FBXO32: variants seen among roughly 807,000 people sequenced by gnomAD.
FBXO32 encodes F-box protein 32, also known as F-box only protein 32.
FBXO32 carries 15 observed loss-of-function variants against 48.3 expected under a neutral mutation model. The ratio of observed to expected loss-of-function variants is 0.31; its 90% CI spans 0.21 to 0.48. The LOEUF (loss-of-function observed/expected upper bound fraction) is 0.48, where lower values mean the gene tolerates loss of function less well. Ranked by LOEUF, FBXO32 falls within the 20% of genes least tolerant of loss-of-function variation. FBXO32 has a pLI of 0.99. For missense variants in FBXO32, 309 were observed against 432.7 expected (o/e 0.71, Z 2.54); for synonymous variants, 154 against 165.9 (o/e 0.93, Z 0.55).
rs149027591 is a variant in FBXO32 at position 123,523,316 on chromosome 8, G to A, written c.372+8582C>T. Among the ~76,000 whole-genome samples, 911 of 152,284 alleles carry A rather than the reference G, an allele frequency of 6.0e-3. 6 individuals are homozygous for A. The highest frequency in any genetic ancestry group is 0.031 in the Middle Eastern group (9 of 294). Reference sequence around the variant, plus strand: ...AATTTTAATAGAAAACATTGACCAGGTGCGGTGGCTCATGCCTGTAATCTC... The same window carrying A: ...AATTTTAATAGAAAACATTGACCAGATGCGGTGGCTCATGCCTGTAATCTC... On this transcript the variant is annotated intron_variant, in intron 4 of 8. Coordinates refer to ENST00000517956, the MANE Select transcript of FBXO32 (RefSeq NM_058229.4).
chr8:123,502,607 T>C lies in FBXO32; in HGVS notation c.*766A>G, dbSNP rs970340161. On this transcript the variant is annotated 3_prime_UTR_variant, in exon 9 of 9. Transcript: ENST00000517956. ...AACATGACAGGAAAAAAGGAACATG[T>C]GCTTTTGGGTTGTTCTGGTGAACAG... 2 of 152,242 alleles carry C rather than the reference T, an allele frequency of 1.3e-5. No homozygotes were observed. Among genetic ancestry groups the C allele is most frequent in the African/African-American group, 4.8e-5 (2 of 41,462 alleles). 9.4% of individuals were successfully genotyped at this position (152,242 alleles called of 1,614,324 possible). A position where few individuals can be genotyped will look rare whatever the true frequency, so the allele number is the denominator to read the frequency against.
At chr8:123,521,449 C>T (rs1239537379) in intron 4 of FBXO32, among the ~76,000 whole-genome samples, 1 of 152,194 alleles carries the variant, frequency 6.6e-6, no homozygotes, top group Non-Finnish European at 1.5e-5. Context: ...CAGACTGATG[C>T]CCCAGGAGTG....
At chr8:123,532,965 C>T (rs1587002934) in intron 3 of FBXO32, among the ~76,000 whole-genome samples, 1 of 152,338 alleles carries the variant, frequency 6.6e-6, no homozygotes, top group Non-Finnish European at 1.5e-5. Context: ...CTTTTACATA[C>T]ATAATCTCAT....
intron 4 of FBXO32, among the ~76,000 whole-genome samples, chr8:123,528,651 T>C (rs1011896608): frequency 2.6e-5 from 4 of 152,160 alleles, no homozygotes; most frequent in African/African-American, 9.7e-5. Context: ...TAGTAAAAAA[T>C]TTTCTGACTC....
At chr8:123,512,735 G>A (rs910627112) in intron 6 of FBXO32, among the ~76,000 whole-genome samples, 1 of 152,026 alleles carries the variant, frequency 6.6e-6, no homozygotes, top group Non-Finnish European at 1.5e-5. Context: ...TTAATCAAAG[G>A]CTTCCTTTGT....
rs1380015684 is a variant in FBXO32 at position 123,498,190 on chromosome 8, T to TG, written c.*5182dup. 16 of 152,342 alleles carry TG rather than the reference T, an allele frequency of 1.1e-4. No individual in the cohort carries two copies. The highest frequency in any genetic ancestry group is 3.8e-4 in the African/African-American group (16 of 41,574). The allele number at this position is 152,342 out of a possible 1,614,324, so 9.4% of individuals were successfully genotyped here. Reference sequence around the variant, plus strand: ...ATACGCCCACTTTAGCCATGGTGATTGGCACTTGGTAGAATAAAGATGGCA... The same window carrying TG: ...ATACGCCCACTTTAGCCATGGTGATTGGGCACTTGGTAGAATAAAGATGGCA... On this transcript the variant is annotated 3_prime_UTR_variant, in exon 9 of 9. Coordinates refer to ENST00000517956, the MANE Select transcript of FBXO32 (RefSeq NM_058229.4).
chr8:123,531,887 T>A lies in FBXO32; in HGVS notation c.372+11A>T. 1 of 1,613,950 alleles carries A rather than the reference T, an allele frequency of 6.2e-7. No homozygotes were observed. The highest frequency in any genetic ancestry group is 8.5e-7 in the Non-Finnish European group (1 of 1,179,944). On this transcript the variant is annotated intron_variant, in intron 4 of 8. Coordinates refer to ENST00000517956, the MANE Select transcript of FBXO32 (RefSeq NM_058229.4). Reference sequence around the variant, plus strand: ...AGAGCCTGGATGAGCCTTTAGGCACTTGAGACTTACCCGGACCACGTAGTT... The same window carrying A: ...AGAGCCTGGATGAGCCTTTAGGCACATGAGACTTACCCGGACCACGTAGTT...
At chr8:123,503,665 G>A (rs1017878682) in intron 8 of FBXO32, among the ~76,000 whole-genome samples, 1 of 152,170 alleles carries the variant, frequency 6.6e-6, no homozygotes, top group East Asian at 1.9e-4. Context: ...TACCAGAGCC[G>A]GGAAAGGGAA....
rs1056226499 is a variant in FBXO32 at position 123,502,737 on chromosome 8, C to CACTT, written c.*632_*635dup. The CACTT allele has an allele frequency of 1.3e-5, 2 of 152,196 alleles. No homozygotes were observed. The highest frequency in any genetic ancestry group is 4.8e-5 in the African/African-American group (2 of 41,442). 9.4% of individuals were successfully genotyped at this position (152,196 alleles called of 1,614,324 possible). ...AAATCACTTTTTATAGTGATGAAAACACTTACGAGAAAAACAGACACTGCC... is the reference window on the plus strand; with the variant it reads ...AAATCACTTTTTATAGTGATGAAAACACTTACTTACGAGAAAAACAGACACTGCC... On this transcript the variant is annotated 3_prime_UTR_variant, in exon 9 of 9. Transcript: ENST00000517956.
Position 123,502,897 on chromosome 8 carries a change from CAA to C in FBXO32, c.*474_*475del, listed in dbSNP as rs1175710567. ...TGGCGCTTCCTTCGCCTTCTCAAAA[CAA>C]ACACCAGATCAAACCCCAAAGCCCA... is the stretch of plus-strand genomic sequence containing the variant. On this transcript the variant is annotated 3_prime_UTR_variant, in exon 9 of 9. Coordinates refer to ENST00000517956, the MANE Select transcript of FBXO32 (RefSeq NM_058229.4). 1 of 153,440 alleles carries C rather than the reference CAA, an allele frequency of 6.5e-6. No homozygotes were observed. The highest frequency in any genetic ancestry group is 1.9e-4 in the East Asian group (1 of 5,228). 9.5% of individuals were successfully genotyped at this position (153,440 alleles called of 1,614,324 possible). A position where few individuals can be genotyped will look rare whatever the true frequency, so the allele number is the denominator to read the frequency against.
chr8:123,502,572 A>C lies in FBXO32; in HGVS notation c.*801T>G, dbSNP rs1026497271. On this transcript the variant is annotated 3_prime_UTR_variant, in exon 9 of 9. Transcript: ENST00000517956. ...TTTAAGTTGGCCTTCTTTTCCCCCA[A>C]ATGAGCTACAACATGACAGGAAAAA... The C allele has an allele frequency of 1.3e-5, 2 of 152,178 alleles. No individual in the cohort carries two copies. The highest frequency in any genetic ancestry group is 2.1e-4 in the South Asian group (1 of 4,822). 9.4% of individuals were successfully genotyped at this position (152,178 alleles called of 1,614,324 possible).
chr8:123,499,685 TCTC>T lies in FBXO32; in HGVS notation c.*3685_*3687del, dbSNP rs1033197305. ...GCTAAGAATGATACACTGTTGAACA[TCTC>T]CTGAATGGTTTGCCTTCTTGTAAAT... On this transcript the variant is annotated 3_prime_UTR_variant, in exon 9 of 9. Transcript: ENST00000517956. 8 of 152,230 alleles carry T rather than the reference TCTC, an allele frequency of 5.3e-5. No individual in the cohort carries two copies. Among genetic ancestry groups the T allele is most frequent in the Non-Finnish European group, 8.8e-5 (6 of 68,048 alleles). 9.4% of individuals were successfully genotyped at this position (152,230 alleles called of 1,614,324 possible).
At chr8:123,515,539 G>A (rs1384032523) in intron 4 of FBXO32, among the ~76,000 whole-genome samples, 2 of 151,300 alleles carry the variant, frequency 1.3e-5, no homozygotes, top group African/African-American at 4.9e-5. Flanking sequence ...ATGAGCCACC[G>A]CGCCCCGCCA....
chr8:123,503,302 G>T lies in FBXO32; in HGVS notation c.*71C>A. The T allele has an allele frequency of 7.9e-7, 1 of 1,267,698 alleles. No homozygotes were observed. Among genetic ancestry groups the T allele is most frequent in the Non-Finnish European group, 1.1e-6 (1 of 869,902 alleles). The allele number at this position is 1,267,698 out of a possible 1,614,324, so 78.5% of individuals were successfully genotyped here. On this transcript the variant is annotated 3_prime_UTR_variant, in exon 9 of 9. Coordinates refer to ENST00000517956, the MANE Select transcript of FBXO32 (RefSeq NM_058229.4). ...AATGTACACTATTTACAAATGAAGT[G>T]TCCAAATGCCATATTCCCAGCTCTC... is the stretch of plus-strand genomic sequence containing the variant.
At chr8:123,521,420 T>C (rs1169922071) in intron 4 of FBXO32, among the ~76,000 whole-genome samples, 1 of 152,202 alleles carries the variant, frequency 6.6e-6, no homozygotes, top group Non-Finnish European at 1.5e-5. Flanking sequence ...CAGGCTGATA[T>C]CTATATGGAG....
At chr8:123,512,973 C>G (rs1816764983) in intron 6 of FBXO32, among the ~76,000 whole-genome samples, 1 of 152,200 alleles carries the variant, frequency 6.6e-6, no homozygotes, top group Admixed American at 6.5e-5. Context: ...AATAGTTCAC[C>G]AGGCTGTCAT....
At position 123,513,522 on chromosome 8, in the gene FBXO32, G is replaced by T; in HGVS notation, c.467-140C>A. On this transcript the variant is annotated intron_variant, in intron 5 of 8. Transcript: ENST00000517956. The surrounding 1 kb of genome is among the most constrained non-coding windows in gnomAD (Gnocchi z 4.3). The stretch of plus-strand genomic sequence containing the variant: ...GGATATGGTTTTCTTCCTCACCAGT[G>T]TTTATTGTACGCTTGGCCAAGCTTC... 1.4e-6 allele frequency: 1 copy of T among 731,168 alleles called. No individual in the cohort carries two copies. The highest frequency in any genetic ancestry group is 2.2e-6 in the Non-Finnish European group (1 of 455,050). 45.3% of individuals were successfully genotyped at this position (731,168 alleles called of 1,614,324 possible).
chr8:123,511,480 GTT>G (rs755817254), intron 6 of FBXO32, among the ~76,000 whole-genome samples: 1 of 139,978 alleles, frequency 7.1e-6, no homozygotes. Context: ...GAGGTTTTTT[GTT>G]TTTTTTTTTT....
chr8:123,529,926 C>A (rs569672334), intron 4 of FBXO32, among the ~76,000 whole-genome samples: 42 of 152,268 alleles, frequency 2.8e-4, no homozygotes, highest in Non-Finnish European at 4.7e-4. Context: ...GACATCAGAT[C>A]TAAGTGTCTT....
Sources: gnomAD v4.1 joint callset for allele counts (sites outside exome capture counted in the v4.1 genomes callset) on GRCh38, gnomAD v4.1.1 for gene constraint, Gnocchi (gnomAD v3.1) non-coding constraint, MANE v1.5 for transcripts, NCBI Gene and HGNC (gene_info 2026-07-23, HGNC 2026-07-21) for gene names.